The following IRX6 variants were observed in gnomAD, a reference collection of about 807,000 sequenced individuals.
The protein encoded by IRX6 is iroquois homeobox 6.
In IRX6, 46 loss-of-function variants were observed where a neutral mutation model predicts 47.7. The observed-to-expected ratio is 0.96, with a 90% CI of 0.76 to 1.23. IRX6 has a LOEUF of 1.23. Among genes scored for constraint, IRX6 ranks in the 50% most tolerant of loss-of-function variants. The pLI is 0.00. For synonymous variants in IRX6, 265 were observed against 246.2 expected, an observed-to-expected ratio of 1.08 and a Z score of -0.72; for missense variants, 722 against 588.0, an observed-to-expected ratio of 1.23 and a Z score of -2.36.
rs756019918 is a variant in IRX6 at position 55,327,543 on chromosome 16, C to A, written c.414-43C>A. On this transcript the variant is annotated intron_variant, in intron 3 of 5. Coordinates refer to ENST00000290552, the MANE Select transcript of IRX6 (RefSeq NM_024335.3). The stretch of plus-strand genomic sequence containing the variant: ...CACAGACTGTCCTCTGCCTGCAGTT[C>A]CTTGTTCCTCTTCTATAATGTGAGC... 1.9e-6 allele frequency: 3 copies of A among 1,578,804 alleles called. No individual in the cohort carries two copies. The South Asian group carries it at 3.5e-5, about 19-fold the overall frequency.
Position 55,327,750 on chromosome 16 carries a change from T to G in IRX6, c.578T>G (p.Val193Gly). Residue 193 changes from valine to glycine, a missense_variant, in exon 4 of 6, where the codon GTG becomes GGG. Coordinates refer to ENST00000290552, the MANE Select transcript of IRX6 (RefSeq NM_024335.3). ...ATCACCAAGATGACCCTCACCCAGG[T>G]GTCCACCTGGTTCGCCAACGCACGC... ...AIITKMTLTQ[V>G]STWFANARRR... 6.2e-7 allele frequency: 1 copy of G among 1,612,336 alleles called. No individual in the cohort carries two copies. The highest frequency in any genetic ancestry group is 8.5e-7 in the Non-Finnish European group (1 of 1,179,938).
At position 55,330,342 on chromosome 16, in the gene IRX6, G is replaced by T. The variant is rs770448831; in HGVS notation, c.*37G>T. 4 of 1,609,364 alleles carry T rather than the reference G, an allele frequency of 2.5e-6. No individual in the cohort carries two copies. The highest frequency in any genetic ancestry group is 3.4e-6 in the Non-Finnish European group (4 of 1,175,648). Reference sequence around the variant, plus strand: ...CGATTTGCGAAAGAATCTTGGAAATGGGCCCCACGTTTCGAATTCATCTCC... The same window carrying T: ...CGATTTGCGAAAGAATCTTGGAAATTGGCCCCACGTTTCGAATTCATCTCC... On this transcript the variant is annotated 3_prime_UTR_variant, in exon 6 of 6. Transcript: ENST00000290552.
At position 55,330,393 on chromosome 16, in the gene IRX6, C is replaced by A; in HGVS notation, c.*88C>A. On this transcript the variant is annotated 3_prime_UTR_variant, in exon 6 of 6. Transcript: ENST00000290552. Reference sequence around the variant, plus strand: ...AGGTTAAGAAGCTGCCAGACCTTGCCAGGGACCAGGAGCTCTCACTTTGCC... The same window carrying A: ...AGGTTAAGAAGCTGCCAGACCTTGCAAGGGACCAGGAGCTCTCACTTTGCC... The A allele has an allele frequency of 7.7e-7, 1 of 1,291,448 alleles. No homozygotes were observed. Among genetic ancestry groups the A allele is most frequent in the Non-Finnish European group, 1.1e-6 (1 of 885,636 alleles). The allele number at this position is 1,291,448 out of a possible 1,614,324, so 80.0% of individuals were successfully genotyped here. A position where few individuals can be genotyped will look rare whatever the true frequency, so the allele number is the denominator to read the frequency against.
chr16:55,326,109 A>G (rs1309435018), intron 1 of IRX6: 10 of 554,120 alleles, frequency 1.8e-5, no homozygotes, highest in Admixed American at 3.5e-5. Context: ...GCAATGGAGT[A>G]GGAGCATCTA....
In IRX6 at chr16:55,330,586, C is replaced by G. The variant is rs1368125971; in HGVS notation, c.*281C>G. The G allele has an allele frequency of 1.9e-6, 1 of 537,758 alleles. No homozygotes were observed. The highest frequency in any genetic ancestry group is 3.3e-6 in the Non-Finnish European group (1 of 300,142). 33.3% of individuals were successfully genotyped at this position (537,758 alleles called of 1,614,324 possible). On this transcript the variant is annotated 3_prime_UTR_variant, in exon 6 of 6. Transcript: ENST00000290552. ...CCCACCCACCGACTCTACCAAGTCT[C>G]TCTTCCTCCTGTGGATTCAGCAAGG...
At chr16:55,326,302 C>T in intron 1 of IRX6, 34 bp from the exon 2 acceptor site, 1 of 1,563,356 alleles carries the variant, frequency 6.4e-7, no homozygotes, top group Non-Finnish European at 8.7e-7. Context: ...GGGGGGGTCT[C>T]TGACCTCCAG....
chr16:55,329,653 A>T (rs31089), intron 5 of IRX6, among the ~76,000 whole-genome samples: 116,022 of 152,050 alleles, frequency 0.76, 44,445 homozygotes, highest in East Asian at 0.88. Context: ...TCTAGCACAA[A>T]CGCCCTTGTC....
intron 4 of IRX6, 30 bp from the exon 5 acceptor site, chr16:55,328,670 C>T (rs1960580660): frequency 6.2e-7 from 1 of 1,607,134 alleles, no homozygotes; most frequent in Non-Finnish European, 8.5e-7. Context: ...GGCCCTGGGG[C>T]TTTTCTCACT....
Position 55,326,476 on chromosome 16 carries a change from G to A in IRX6, c.186G>A (p.Pro62=). ...YDSRLLGSAR[P]ELGAALGIYG... ...GTCGACTGCTGGGCAGTGCGCGACC[G>A]GAGCTGGGCGCCGCCTTGGGCATCT... Residue 62 remains proline, a synonymous_variant, in exon 2 of 6, where the codon CCG becomes CCA. Transcript: ENST00000290552. 3.1e-6 allele frequency: 5 copies of A among 1,613,268 alleles called. No individual in the cohort carries two copies. The highest frequency in any genetic ancestry group is 1.7e-4 in the Middle Eastern group (1 of 6,054).
At position 55,329,296 on chromosome 16, in the gene IRX6, C is replaced by T; in HGVS notation, c.1318C>T (p.Pro440Ser). 1 of 1,601,288 alleles carries T rather than the reference C, an allele frequency of 6.2e-7. No individual in the cohort carries two copies. Among genetic ancestry groups the T allele is most frequent in the Non-Finnish European group, 8.5e-7 (1 of 1,172,142 alleles). Reference protein sequence around the residue: ...RSEPVVQCQYPSGAEAG With the variant: ...RSEPVVQCQYSSGAEAG ...CGAGCCTGTAGTGCAGTGCCAGTAC[C>T]CGTCTGGAGCAGAAGGTAGTGGGCC... Residue 440 changes from proline (P) to serine (S), a missense_variant, in exon 5 of 6, where the codon CCG becomes TCG. By Grantham distance (74) the Pro-to-Ser change is moderately conservative (BLOSUM62 -1). Coordinates refer to ENST00000290552, the MANE Select transcript of IRX6 (RefSeq NM_024335.3).
chr16:55,329,429 C>T, intron 5 of IRX6, 118 bp downstream of exon 5: 2 of 1,284,042 alleles, frequency 1.6e-6, no homozygotes, highest in South Asian at 3.0e-5. Context: ...ACAGAACTGA[C>T]GGGAGATTGC....
At position 55,326,339 on chromosome 16, in the gene IRX6, C is replaced by G; in HGVS notation, c.49C>G (p.Leu17Val). The change falls in exon 2 of 6, where the codon CTG becomes GTG. Residue 17 changes from leucine to valine, a missense_variant. Leu to Val is a conservative substitution (Grantham distance 32). Coordinates refer to ENST00000290552, the MANE Select transcript of IRX6 (RefSeq NM_024335.3). The part of the protein sequence containing the change: ...GHPYRGASQF[L>V]ASASSSTTCC... The stretch of plus-strand genomic sequence containing the variant: ...GCCCTCTTTCTTGCCCCTATAGTTT[C>G]TGGCGTCGGCAAGTTCCAGCACCAC... 1.2e-6 allele frequency: 2 copies of G among 1,611,992 alleles called. No individual in the cohort carries two copies. The highest frequency in any genetic ancestry group is 8.5e-7 in the Non-Finnish European group (1 of 1,178,952).
chr16:55,325,533 G>GGAAGGAAGGAAGGAAGGAAGGAAGGAA lies in IRX6; in HGVS notation c.45+397_45+398insGAAGGAAGGAAGGAAGGAAGGAAGGAA, dbSNP rs1567338530. ...AAGGAAGGAAGGAAGGAAGGAAGGA[G>GGAAGGAAGGAAGGAAGGAAGGAAGGAA]AGAGAGAGAGAGAGAGAGAGAGAGA... On this transcript the variant is annotated intron_variant, in intron 1 of 5. Coordinates refer to ENST00000290552, the MANE Select transcript of IRX6 (RefSeq NM_024335.3). 6.1e-4 allele frequency among the ~76,000 whole-genome samples: 4 copies of GGAAGGAAGGAAGGAAGGAAGGAAGGAA among 6,508 alleles called. 1 individual carries two copies. Among genetic ancestry groups the GGAAGGAAGGAAGGAAGGAAGGAAGGAA allele is most frequent in the African/African-American group, 2.5e-3 (4 of 1,628 alleles). The allele number at this position is 6,508 out of a possible 152,430, so 4.3% of individuals were successfully genotyped here.
In IRX6 at chr16:55,324,910, A is replaced by C; in HGVS notation, c.-182A>C. The C allele has an allele frequency of 1.9e-5, 12 of 626,252 alleles. No individual in the cohort carries two copies. The highest frequency in any genetic ancestry group is 1.7e-4 in the East Asian group (6 of 35,966). The allele number at this position is 626,252 out of a possible 1,614,324, so 38.8% of individuals were successfully genotyped here. A position where few individuals can be genotyped will look rare whatever the true frequency, so the allele number is the denominator to read the frequency against. On this transcript the variant is annotated 5_prime_UTR_variant, in exon 1 of 6. Transcript: ENST00000290552. The surrounding 1 kb of genome is among the most constrained non-coding windows in gnomAD (Gnocchi z 4.4). ...GCCGGAGGGGCGCCTTCCGGAGCGC[A>C]GGGCTCGGCAGCCGGGCTGCCCTCG... is the stretch of plus-strand genomic sequence containing the variant.
In IRX6 at chr16:55,324,959, C is replaced by G. The variant is rs1960482431; in HGVS notation, c.-133C>G. On this transcript the variant is annotated 5_prime_UTR_variant, in exon 1 of 6. Transcript: ENST00000290552. The surrounding 1 kb of genome is among the most constrained non-coding windows in gnomAD (Gnocchi z 4.4). ...CGGCTCTGCCTCCACTGGGGCCAAC[C>G]AGGCGAAGGAACCGGCGCTGGGCAT... 3 of 953,844 alleles carry G rather than the reference C, an allele frequency of 3.1e-6. No homozygotes were observed. The allele number at this position is 953,844 out of a possible 1,614,324, so 59.1% of individuals were successfully genotyped here. A position where few individuals can be genotyped will look rare whatever the true frequency, so the allele number is the denominator to read the frequency against.
chr16:55,325,371 C>A (rs185265979), intron 1 of IRX6, among the ~76,000 whole-genome samples: 1 of 151,492 alleles, frequency 6.6e-6, no homozygotes, highest in East Asian at 1.9e-4. Flanking sequence ...TCTGACCACG[C>A]GCTCAGTGAG....
Position 55,327,628 on chromosome 16 carries a change from C to G in IRX6, c.456C>G (p.Asn152Lys). 1 of 1,610,202 alleles carries G rather than the reference C, an allele frequency of 6.2e-7. No individual in the cohort carries two copies. Residue 152 changes from asparagine (N) to lysine (K), a missense_variant, in exon 4 of 6, where the codon AAC becomes AAG. Physicochemically the swap from Asn to Lys is moderately conservative, Grantham distance 94. Transcript: ENST00000290552. ...VELSGAGRRK[N>K]ATRETTSTLK... Reference sequence around the variant, plus strand: ...TGAGTGGCGCCGGTCGCCGAAAGAACGCGACCCGGGAGACCACCAGTACAC... The same window carrying G: ...TGAGTGGCGCCGGTCGCCGAAAGAAGGCGACCCGGGAGACCACCAGTACAC...
Position 55,324,887 on chromosome 16 carries a change from C to A in IRX6, c.-205C>A, listed in dbSNP as rs1449905348. On this transcript the variant is annotated 5_prime_UTR_variant, in exon 1 of 6. Coordinates refer to ENST00000290552, the MANE Select transcript of IRX6 (RefSeq NM_024335.3). This position sits in a 1 kb window ranked among gnomAD's most constrained non-coding sequence, Gnocchi z 4.4. ...CTTCTGTCTTCCGGACCCCACGGGC[C>A]GGAGGGGCGCCTTCCGGAGCGCAGG... The A allele has an allele frequency of 1.2e-5, 7 of 604,008 alleles. No individual in the cohort carries two copies. The highest frequency in any genetic ancestry group is 9.8e-5 in the South Asian group (5 of 51,006). The allele number at this position is 604,008 out of a possible 1,614,324, so 37.4% of individuals were successfully genotyped here.
In IRX6 at chr16:55,324,962, G is replaced by C. The variant is rs1960482492; in HGVS notation, c.-130G>C. 1.0e-6 allele frequency: 1 copy of C among 982,948 alleles called. No homozygotes were observed. Among genetic ancestry groups the C allele is most frequent in the Admixed American group, 2.0e-5 (1 of 49,936 alleles). 60.9% of individuals were successfully genotyped at this position (982,948 alleles called of 1,614,324 possible). On this transcript the variant is annotated 5_prime_UTR_variant, in exon 1 of 6. Transcript: ENST00000290552. The surrounding 1 kb of genome is among the most constrained non-coding windows in gnomAD (Gnocchi z 4.4). Reference sequence around the variant, plus strand: ...CTCTGCCTCCACTGGGGCCAACCAGGCGAAGGAACCGGCGCTGGGCATCCG... The same window carrying C: ...CTCTGCCTCCACTGGGGCCAACCAGCCGAAGGAACCGGCGCTGGGCATCCG...
Sources: gnomAD v4.1 joint callset for allele counts (sites outside exome capture counted in the v4.1 genomes callset) on GRCh38, gnomAD v4.1.1 for gene constraint, Gnocchi (gnomAD v3.1) non-coding constraint, MANE v1.5 for transcripts, NCBI Gene and HGNC (gene_info 2026-07-23, HGNC 2026-07-21) for gene names.